MACROD2: variants seen among roughly 807,000 people sequenced by gnomAD.
MACROD2 encodes the protein ADP-ribose glycohydrolase MACROD2.
MACROD2 carries 36 observed loss-of-function variants against 70.4 expected under a neutral mutation model. The observed-to-expected ratio is 0.51, with a 90% confidence interval of 0.39 to 0.68. The LOEUF is 0.68. MACROD2 is among the 30% of genes least tolerant of loss of function. The pLI, the probability that MACROD2 is intolerant of heterozygous loss-of-function variation, is 0.00. For missense variants in MACROD2, 496 were observed against 538.4 expected (o/e 0.92, Z 0.78); for synonymous variants, 172 against 178.8 (o/e 0.96, Z 0.30).
At chr20:15,603,345 T>A (rs189852532) in intron 8 of MACROD2, among the ~76,000 whole-genome samples, 2,639 of 143,124 alleles carry the variant, frequency 0.018, 59 homozygotes, top group African/African-American at 0.055. Flanking sequence ...TAAAAATATT[T>A]AAAAAAAAAA....
chr20:14,403,884 A>G (rs1245510043), intron 3 of MACROD2, among the ~76,000 whole-genome samples: 1 of 152,140 alleles, frequency 6.6e-6, no homozygotes, highest in Non-Finnish European at 1.5e-5. Context: ...CAAGAGCCCA[A>G]GATACCCTAA....
intron 5 of MACROD2, among the ~76,000 whole-genome samples, chr20:14,816,441 A>T (rs1265319543): frequency 6.6e-6 from 1 of 152,116 alleles, no homozygotes; most frequent in Non-Finnish European, 1.5e-5. Flanking sequence ...AGCATTAAAG[A>T]AGACAAATTA....
At chr20:15,003,301 A>G (rs1206035071) in intron 5 of MACROD2, among the ~76,000 whole-genome samples, 1 of 152,210 alleles carries the variant, frequency 6.6e-6, no homozygotes, top group Non-Finnish European at 1.5e-5. Context: ...TAAGTGCTGC[A>G]TGCATTCCTC....
Position 15,054,493 on chromosome 20 carries a change from A to G in MACROD2, c.419-175447A>G, listed in dbSNP as rs7274424. On this transcript the variant is annotated intron_variant, in intron 5 of 17. Transcript: ENST00000684519. ...ATGATTATTAGTGTTTTTTAGTAAT[A>G]AAGTATTTTTTAAATTAAGGTAGGT... 5.0e-3 allele frequency among the ~76,000 whole-genome samples: 763 copies of G among 152,304 alleles called. 12 individuals are homozygous for G. Among genetic ancestry groups the G allele is most frequent in the African/African-American group, 0.017 (726 of 41,558 alleles).
chr20:14,780,438 G>A lies in MACROD2; in HGVS notation c.418+95479G>A, dbSNP rs553405264. On this transcript the variant is annotated intron_variant, in intron 5 of 17. Coordinates refer to ENST00000684519, the MANE Select transcript of MACROD2 (RefSeq NM_001351661.2). ...TTAGTCGGGCGTGGTGACGCATGCC[G>A]GTAATCCCAGCTACTCGGGAGGCTG... 7.3e-5 allele frequency among the ~76,000 whole-genome samples: 11 copies of A among 151,666 alleles called. No individual in the cohort carries two copies. The South Asian group carries it at 1.5e-3, about 20-fold the overall frequency.
At chr20:15,990,556 G>T (rs1033540637) in intron 15 of MACROD2, among the ~76,000 whole-genome samples, 1 of 152,082 alleles carries the variant, frequency 6.6e-6, no homozygotes, top group Non-Finnish European at 1.5e-5. Flanking sequence ...GTAATCCTTT[G>T]TCTGTTTACC....
At chr20:14,763,318 G>A (rs973309999) in intron 5 of MACROD2, among the ~76,000 whole-genome samples, 2 of 131,050 alleles carry the variant, frequency 1.5e-5, no homozygotes, top group African/African-American at 5.9e-5. Flanking sequence ...TCAGAGTCAC[G>A]GGGAAACCCT....
intron 2 of MACROD2, among the ~76,000 whole-genome samples, chr20:14,008,623 A>G (rs915392596): frequency 2.0e-5 from 3 of 152,192 alleles, no homozygotes; most frequent in African/African-American, 7.2e-5. Context: ...AACTACTTTA[A>G]AATTCATATG....
intron 3 of MACROD2, among the ~76,000 whole-genome samples, chr20:14,341,678 A>G (rs1341641052): frequency 2.0e-5 from 3 of 152,182 alleles, no homozygotes; most frequent in African/African-American, 7.2e-5. Flanking sequence ...TACTTTTGAT[A>G]GATTAAATGT....
At chr20:14,232,999 G>A (rs1468111031) in intron 3 of MACROD2, among the ~76,000 whole-genome samples, 1 of 152,166 alleles carries the variant, frequency 6.6e-6, no homozygotes, top group Non-Finnish European at 1.5e-5. Flanking sequence ...TTCCAATCTT[G>A]TTGTGTCTCA....
At chr20:15,387,424 C>T (rs1231236711) in intron 6 of MACROD2, among the ~76,000 whole-genome samples, 1 of 151,740 alleles carries the variant, frequency 6.6e-6, no homozygotes, top group Non-Finnish European at 1.5e-5. Context: ...CATTCTCCAT[C>T]CTTTCTCCTT....
At chr20:15,309,588 G>A (rs1436793010) in intron 6 of MACROD2, among the ~76,000 whole-genome samples, 1 of 152,146 alleles carries the variant, frequency 6.6e-6, no homozygotes, top group African/African-American at 2.4e-5. Context: ...TAATGAATTG[G>A]TGACTTGATT....
At chr20:15,775,942 C>A (rs2147027765) in intron 8 of MACROD2, among the ~76,000 whole-genome samples, 1 of 152,182 alleles carries the variant, frequency 6.6e-6, no homozygotes, top group Non-Finnish European at 1.5e-5. Context: ...TGAATCAGGG[C>A]CAAATTTATA....
intron 6 of MACROD2, among the ~76,000 whole-genome samples, chr20:15,245,526 C>T (rs1454121628): frequency 1.3e-5 from 2 of 152,146 alleles, no homozygotes; most frequent in Non-Finnish European, 2.9e-5. Context: ...AATGATGCCC[C>T]TCAAGTTTCA....
chr20:14,961,301 C>G (rs1412069108), intron 5 of MACROD2, among the ~76,000 whole-genome samples: 1 of 152,026 alleles, frequency 6.6e-6, no homozygotes, highest in Non-Finnish European at 1.5e-5. Flanking sequence ...GTCCAAAAAT[C>G]TCATTTTACA....
At chr20:14,687,681 C>T (rs2071017878) in intron 5 of MACROD2, among the ~76,000 whole-genome samples, 1 of 152,212 alleles carries the variant, frequency 6.6e-6, no homozygotes, top group Non-Finnish European at 1.5e-5. Flanking sequence ...ACTCAAGTCA[C>T]TGCATGCAGC....
chr20:16,007,615 A>G (rs2066806323), intron 15 of MACROD2, among the ~76,000 whole-genome samples: 2 of 152,258 alleles, frequency 1.3e-5, no homozygotes, highest in African/African-American at 4.8e-5. Context: ...ATAATATTTA[A>G]AAATTTTTTC....
intron 5 of MACROD2, among the ~76,000 whole-genome samples, chr20:15,174,518 C>T (rs6105369): frequency 0.4 from 60,011 of 150,320 alleles, 12,745 homozygotes; most frequent in East Asian, 0.71. Context: ...GGTATATGCC[C>T]AGTAATGGGA....
At chr20:14,403,852 C>G (rs2083663550) in intron 3 of MACROD2, among the ~76,000 whole-genome samples, 1 of 151,880 alleles carries the variant, frequency 6.6e-6, no homozygotes, top group African/African-American at 2.4e-5. Flanking sequence ...TATGAGCTTA[C>G]AATCAAAATT....
Sources: gnomAD v4.1 joint callset for allele counts (sites outside exome capture counted in the v4.1 genomes callset) on GRCh38, gnomAD v4.1.1 for gene constraint, MANE v1.5 for transcripts, NCBI Gene and HGNC (gene_info 2026-07-23, HGNC 2026-07-21) for gene names.